The following DRD3 variants were observed in gnomAD, a reference collection of about 807,000 sequenced individuals.
The protein encoded by DRD3 is dopamine receptor D3.
Under a neutral mutation model 36.3 loss-of-function variants are expected in DRD3, and 19 were observed. The ratio of observed to expected loss-of-function variants is 0.52; its 90% CI spans 0.36 to 0.77. The LOEUF (loss-of-function observed/expected upper bound fraction) is 0.77, where lower values mean the gene tolerates loss of function less well. Among genes scored for constraint, DRD3 ranks in the 30% least tolerant of loss-of-function variants. The probability of loss-of-function intolerance (pLI) is 0.00; values close to 1 mark genes in which losing one functional copy is unlikely to be tolerated. For synonymous variants in DRD3, 195 were observed against 203.7 expected (o/e 0.96, Z 0.36); for missense variants, 465 against 505.3 (o/e 0.92, Z 0.77).
intron 5 of DRD3, among the ~76,000 whole-genome samples, chr3:114,139,098 G>A (rs532200110): frequency 6.6e-6 from 1 of 152,188 alleles, no homozygotes; most frequent in Non-Finnish European, 1.5e-5. Context: ...GGCTTTGATG[G>A]ACCCCAGTGA....
intron 3 of DRD3, among the ~76,000 whole-genome samples, chr3:114,156,301 T>G (rs537333076): frequency 6.6e-6 from 1 of 152,188 alleles, no homozygotes; most frequent in Non-Finnish European, 1.5e-5. Context: ...AGTCCACTTG[T>G]TCCTATTATG....
chr3:114,128,695 A>T lies in DRD3; in HGVS notation c.*21T>A. On this transcript the variant is annotated 3_prime_UTR_variant, in exon 7 of 7. Transcript: ENST00000383673. ...CTGGCAGCTAGAAATGGGTACAAAG[A>T]GTGTTCCCTCTTCTGCTCCCTCAGC... 6.4e-7 allele frequency: 1 copy of T among 1,567,564 alleles called. No individual in the cohort carries two copies. The highest frequency in any genetic ancestry group is 1.8e-5 in the Admixed American group (1 of 55,906).
chr3:114,140,751 A>G (rs1384237052), intron 4 of DRD3, among the ~76,000 whole-genome samples: 1 of 152,198 alleles, frequency 6.6e-6, no homozygotes, highest in Non-Finnish European at 1.5e-5. Flanking sequence ...CCATTGTGAC[A>G]TGGAACATCT....
chr3:114,198,988 A>C (rs7628806), intron 1 of DRD3, among the ~76,000 whole-genome samples: 68,357 of 152,020 alleles, frequency 0.45, 17,173 homozygotes, highest in African/African-American at 0.68. Context: ...CAAGGGATAC[A>C]CTCACTTCAA....
upstream of DRD3, among the ~76,000 whole-genome samples, chr3:114,181,239 T>G (rs747180423): frequency 5.4e-4 from 82 of 152,288 alleles, no homozygotes; most frequent in Non-Finnish European, 1.0e-3. Context: ...ACAGGAAAAT[T>G]AACTGACATG....
intron 5 of DRD3, among the ~76,000 whole-genome samples, chr3:114,133,118 G>A (rs372375729): frequency 1.3e-5 from 2 of 152,012 alleles, no homozygotes; most frequent in African/African-American, 4.8e-5. Context: ...AGCCTCCCAA[G>A]TAGCTGGGAT....
chr3:114,188,209 C>T (rs1447401051), intron 1 of DRD3, among the ~76,000 whole-genome samples: 3 of 147,452 alleles, frequency 2.0e-5, no homozygotes, highest in Admixed American at 6.8e-5. Flanking sequence ...TCTTTTTTTC[C>T]CTTTTTTTTT....
At chr3:114,138,763 T>G (rs993259500) in intron 5 of DRD3, among the ~76,000 whole-genome samples, 2 of 152,184 alleles carry the variant, frequency 1.3e-5, no homozygotes, top group Admixed American at 6.5e-5. Context: ...TTCATTAACA[T>G]TGAGTGGAGG....
chr3:114,181,160 C>G (rs1577628876), upstream of DRD3, among the ~76,000 whole-genome samples: 1 of 152,134 alleles, frequency 6.6e-6, no homozygotes, highest in Non-Finnish European at 1.5e-5. Flanking sequence ...GTTTTTAGTG[C>G]CTTCCTTTGG....
chr3:114,189,456 T>A (rs528830457), intron 1 of DRD3, among the ~76,000 whole-genome samples: 9 of 152,330 alleles, frequency 5.9e-5, no homozygotes, highest in African/African-American at 2.2e-4. Context: ...GAAGTTGGAA[T>A]AAATAAATTC....
intron 2 of DRD3, among the ~76,000 whole-genome samples, chr3:114,160,400 C>T (rs1435465952): frequency 2.6e-5 from 4 of 152,150 alleles, no homozygotes; most frequent in African/African-American, 9.7e-5. Context: ...GCATGCGCCA[C>T]CAAGCTGGGC....
intron 2 of DRD3, among the ~76,000 whole-genome samples, chr3:114,168,518 T>C (rs143873576): frequency 3.3e-4 from 50 of 152,296 alleles, no homozygotes; most frequent in African/African-American, 1.1e-3. Context: ...GTGAAACCTC[T>C]TAGAAACATG....
chr3:114,138,324 T>C (rs577374922), intron 5 of DRD3, among the ~76,000 whole-genome samples: 1 of 152,284 alleles, frequency 6.6e-6, no homozygotes, highest in South Asian at 2.1e-4. Flanking sequence ...AATAAAGACA[T>C]ACCTGAGACT....
At position 114,169,849 on chromosome 3, in the gene DRD3, C is replaced by A. The variant is rs117206362; in HGVS notation, c.270+1874G>T. The stretch of plus-strand genomic sequence containing the variant: ...CAGATGTTTTCCAGTATGGTCCAAC[C>A]AGAGTCCTAGAAATAATCACAAATA... On this transcript the variant is annotated intron_variant, in intron 2 of 6. Coordinates refer to ENST00000383673, the MANE Select transcript of DRD3 (RefSeq NM_000796.6). 4.9e-3 allele frequency among the ~76,000 whole-genome samples: 748 copies of A among 152,262 alleles called. 17 individuals are homozygous for A. Among genetic ancestry groups the A allele is most frequent in the East Asian group, 0.036 (188 of 5,176 alleles).
Position 114,131,365 on chromosome 3 carries a change from C to T in DRD3, c.759G>A (p.Lys253=), listed in dbSNP as rs769849791. The T allele has an allele frequency of 2.5e-6, 4 of 1,614,144 alleles. No individual in the cohort carries two copies. Among genetic ancestry groups the T allele is most frequent in the Non-Finnish European group, 3.4e-6 (4 of 1,180,004 alleles). The stretch of plus-strand genomic sequence containing the variant: ...TGTCCTGGCAGATGCTGTAGTAACG[C>T]TTCAGCTCCAGATGTGCCGGGTCAG... ...LSPDPAHLEL[K]RYYSICQDTA... Residue 253 remains lysine, a synonymous_variant, in exon 6 of 7, where the codon AAG becomes AAA. Coordinates refer to ENST00000383673, the MANE Select transcript of DRD3 (RefSeq NM_000796.6).
chr3:114,149,292 G>A (rs2077595708), intron 3 of DRD3, among the ~76,000 whole-genome samples: 1 of 152,200 alleles, frequency 6.6e-6, no homozygotes, highest in African/African-American at 2.4e-5. Context: ...ACGAGAGGGA[G>A]CCAGCCATGA....
At chr3:114,184,181 G>A (rs2077962663) in intron 1 of DRD3, among the ~76,000 whole-genome samples, 1 of 152,018 alleles carries the variant, frequency 6.6e-6, no homozygotes, top group African/African-American at 2.4e-5. Flanking sequence ...ACATCCTAAA[G>A]TTATAATACT....
intron 4 of DRD3, among the ~76,000 whole-genome samples, chr3:114,141,280 C>CTGAGGTGA: frequency 6.6e-6 from 1 of 152,176 alleles, no homozygotes; most frequent in Non-Finnish European, 1.5e-5. Context: ...GTGATCCACC[C>CTGAGGTGA]TCCTTGGCCT....
intron 1 of DRD3, among the ~76,000 whole-genome samples, chr3:114,189,817 A>T (rs963224545): frequency 2.0e-5 from 3 of 152,044 alleles, no homozygotes; most frequent in African/African-American, 7.3e-5. Flanking sequence ...CAATTGAATG[A>T]CTCCCCAGCC....
Sources: gnomAD v4.1 joint callset for allele counts (sites outside exome capture counted in the v4.1 genomes callset) on GRCh38, gnomAD v4.1.1 for gene constraint, MANE v1.5 for transcripts, NCBI Gene and HGNC (gene_info 2026-07-23, HGNC 2026-07-21) for gene names.